Variants in PDIA6 observed in about 807,000 individuals in gnomAD.
PDIA6 encodes the protein protein disulfide-isomerase A6.
A neutral mutation model predicts 58.4 loss-of-function variants in PDIA6; 29 were observed. The observed-to-expected ratio is 0.50, with a 90% CI of 0.37 to 0.68. The LOEUF (loss-of-function observed/expected upper bound fraction) is 0.68, where lower values mean the gene tolerates loss of function less well. Ranked by LOEUF, PDIA6 falls within the 30% of genes least tolerant of loss-of-function variation. PDIA6 has a pLI of 0.00. For missense variants in PDIA6, 480 were observed against 551.0 expected (o/e 0.87, Z 1.29); for synonymous variants, 192 against 202.6 (o/e 0.95, Z 0.44).
intron 1 of PDIA6, among the ~76,000 whole-genome samples, chr2:10,823,781 G>A (rs1178943286): frequency 6.6e-6 from 1 of 151,962 alleles, no homozygotes; most frequent in African/African-American, 2.4e-5. Flanking sequence ...CAGTCATAGG[G>A]AGTGTTGACT....
intron 10 of PDIA6, among the ~76,000 whole-genome samples, chr2:10,787,659 T>A (rs1320153037): frequency 6.6e-6 from 1 of 152,162 alleles, no homozygotes; most frequent in Middle Eastern, 3.2e-3. Context: ...AGGCATCTAA[T>A]AAACATTTGC....
intron 1 of PDIA6, among the ~76,000 whole-genome samples, chr2:10,828,147 A>G (rs1021238085): frequency 6.6e-6 from 1 of 152,116 alleles, no homozygotes; most frequent in Non-Finnish European, 1.5e-5. Flanking sequence ...TAGGGTTCAC[A>G]CTTGGTGTTG....
intron 4 of PDIA6, 132 bp from the exon 5 acceptor site, chr2:10,793,334 C>T (rs1158857987): frequency 1.6e-6 from 1 of 621,448 alleles, no homozygotes; most frequent in Non-Finnish European, 2.9e-6. Context: ...ACGTGTATCT[C>T]TGACAGAACA....
chr2:10,834,928 G>A (rs1167665398), upstream of PDIA6, among the ~76,000 whole-genome samples: 2 of 151,874 alleles, frequency 1.3e-5, no homozygotes, highest in East Asian at 1.9e-4. Flanking sequence ...CACCATGTCC[G>A]GCTAATTTTT....
intron 3 of PDIA6, among the ~76,000 whole-genome samples, chr2:10,797,480 C>A (rs1666318986): frequency 6.6e-6 from 1 of 152,164 alleles, no homozygotes; most frequent in Non-Finnish European, 1.5e-5. Flanking sequence ...TAAACAAAAA[C>A]AGGCAATGTA....
Position 10,787,526 on chromosome 2 carries a change from C to T in PDIA6, c.999-87G>A, listed in dbSNP as rs577124306. 118 of 1,196,438 alleles carry T rather than the reference C, an allele frequency of 9.9e-5. 1 individual carries two copies. In the South Asian group the frequency reaches 1.4e-3, roughly 14 times the overall value. 74.1% of individuals were successfully genotyped at this position (1,196,438 alleles called of 1,614,324 possible). A position where few individuals can be genotyped will look rare whatever the true frequency, so the allele number is the denominator to read the frequency against. ...GAAGATCTTAGAGAACAAAAGATCACGCTTCAGATATTTCGTAGAATGACA... is the reference window on the plus strand; with the variant it reads ...GAAGATCTTAGAGAACAAAAGATCATGCTTCAGATATTTCGTAGAATGACA... On this transcript the variant is annotated intron_variant, in intron 10 of 12. Coordinates refer to ENST00000272227, the MANE Select transcript of PDIA6 (RefSeq NM_005742.4).
intron 1 of PDIA6, among the ~76,000 whole-genome samples, chr2:10,826,778 C>T (rs1667567214): frequency 6.6e-6 from 1 of 152,148 alleles, no homozygotes; most frequent in Non-Finnish European, 1.5e-5. Flanking sequence ...AAAATCTGCC[C>T]TCCTGAGCAG....
chr2:10,790,006 T>C, intron 7 of PDIA6, 117 bp from the exon 8 acceptor site: 1 of 793,494 alleles, frequency 1.3e-6, no homozygotes, highest in Non-Finnish European at 1.9e-6. Context: ...TTTGAAGCAG[T>C]CTCACTCTGT....
chr2:10,804,547 C>T (rs1666652941), intron 1 of PDIA6, among the ~76,000 whole-genome samples: 3 of 123,576 alleles, frequency 2.4e-5, no homozygotes, highest in Non-Finnish European at 5.6e-5. Flanking sequence ...GTTTTGGTAC[C>T]AGTACCATGC....
intron 1 of PDIA6, among the ~76,000 whole-genome samples, chr2:10,831,047 C>A (rs964874186): frequency 6.6e-6 from 1 of 152,232 alleles, no homozygotes; most frequent in African/African-American, 2.4e-5. Flanking sequence ...CTTGTGGGAG[C>A]GCAGCGGACT....
upstream of PDIA6, chr2:10,832,544 T>G (rs1258683348): frequency 2.1e-6 from 1 of 476,962 alleles, no homozygotes; most frequent in Non-Finnish European, 2.7e-6. Flanking sequence ...CGCAGGCTGC[T>G]GCGGGGATGC....
intron 1 of PDIA6, among the ~76,000 whole-genome samples, chr2:10,830,185 T>A (rs1284238736): frequency 6.6e-6 from 1 of 152,076 alleles, no homozygotes; most frequent in East Asian, 1.9e-4. Context: ...GCCCCTCCAG[T>A]GTGGGTGCGC....
chr2:10,790,679 A>G, intron 7 of PDIA6, 40 bp downstream of exon 7: 1 of 1,382,594 alleles, frequency 7.2e-7, no homozygotes, highest in African/African-American at 1.4e-5. Context: ...ACGAAACACC[A>G]TGTATTTCAC....
At chr2:10,812,100 G>C (rs541398406) in intron 1 of PDIA6, among the ~76,000 whole-genome samples, 68 of 152,184 alleles carry the variant, frequency 4.5e-4, no homozygotes, top group Admixed American at 3.9e-3. Flanking sequence ...AGTAGAGACG[G>C]GGTTTCGCCA....
At chr2:10,815,423 T>G (rs1365111255), upstream of PDIA6, 1 of 152,044 alleles carries the variant, frequency 6.6e-6, no homozygotes, top group African/African-American at 2.4e-5. Context: ...ACTTCTTTTT[T>G]TTGTTTCTTC....
upstream of PDIA6, among the ~76,000 whole-genome samples, chr2:10,816,256 A>G (rs76548231): frequency 0.02 from 3,019 of 151,286 alleles, 46 homozygotes; most frequent in Middle Eastern, 0.068. Context: ...CTAATTTTTA[A>G]AATTTTTTTA....
Position 10,788,744 on chromosome 2 carries a change from C to T in PDIA6, c.951G>A (p.Leu317=). The T allele has an allele frequency of 6.2e-7, 1 of 1,613,442 alleles. No individual in the cohort carries two copies. The highest frequency in any genetic ancestry group is 8.5e-7 in the Non-Finnish European group (1 of 1,179,364). Residue 317 remains leucine, a synonymous_variant, in exon 10 of 13, where the codon CTG becomes CTA. Transcript: ENST00000272227. Reference sequence around the variant, plus strand: ...TGTCTGCCAACTTCAGAAGAACTTCCAGATAAGAATTTCTGCCTGCAGCTC... The same window carrying T: ...TGTCTGCCAACTTCAGAAGAACTTCTAGATAAGAATTTCTGCCTGCAGCTC... The part of the protein sequence containing the change: ...DTGAAGRNSY[L]EVLLKLADKY...
chr2:10,788,689 T>C lies in PDIA6; in HGVS notation c.998+8A>G. 1 of 1,590,724 alleles carries C rather than the reference T, an allele frequency of 6.3e-7. No individual in the cohort carries two copies. The highest frequency in any genetic ancestry group is 8.6e-7 in the Non-Finnish European group (1 of 1,158,578). On this transcript the variant is annotated splice_region_variant and intron_variant, in intron 10 of 12. Coordinates refer to ENST00000272227, the MANE Select transcript of PDIA6 (RefSeq NM_005742.4). ...GATGACACTCAGACAGTAAGCTCAG[T>C]AACTTACCCCCACATTTTCTTTTTG... is the stretch of plus-strand genomic sequence containing the variant.
At chr2:10,791,349 T>C (rs1558441220) in intron 6 of PDIA6, among the ~76,000 whole-genome samples, 1 of 152,180 alleles carries the variant, frequency 6.6e-6, no homozygotes, top group Non-Finnish European at 1.5e-5. Flanking sequence ...TTTTGCTATG[T>C]TGCCCAGGCT....
Sources: allele counts gnomAD v4.1 joint callset (sites outside exome capture counted in the v4.1 genomes callset), GRCh38; gene constraint gnomAD v4.1.1; transcripts MANE v1.5; gene names NCBI Gene and HGNC (gene_info 2026-07-23, HGNC 2026-07-21).